The following GREB1L variants were observed in gnomAD, a reference collection of about 807,000 sequenced individuals.
GREB1L encodes GREB1-like protein.
A neutral mutation model predicts 200.8 loss-of-function variants in GREB1L; 17 were observed. The ratio of observed to expected loss-of-function variants is 0.08; its 90% CI spans 0.06 to 0.13. The LOEUF is 0.13. Ranked by LOEUF, GREB1L falls within the 10% of genes least tolerant of loss-of-function variation. GREB1L has a pLI of 1.00. For synonymous variants in GREB1L, 789 were observed against 893.0 expected (o/e 0.88, Z 2.08); for missense variants, 1,657 against 2,367.7 (o/e 0.70, Z 6.23).
intron 1 of GREB1L, among the ~76,000 whole-genome samples, chr18:21,303,908 A>G (rs564850749): frequency 6.6e-6 from 1 of 152,334 alleles, no homozygotes; most frequent in African/African-American, 2.4e-5. Context: ...AGGGTCAATC[A>G]GAAGCTGACA....
intron 10 of GREB1L, among the ~76,000 whole-genome samples, chr18:21,443,196 C>G (rs1417068827): frequency 6.6e-6 from 1 of 151,332 alleles, no homozygotes; most frequent in African/African-American, 2.4e-5. Context: ...AGCTGCACCC[C>G]ACCTGGCCAG....
intron 15 of GREB1L, among the ~76,000 whole-genome samples, chr18:21,465,948 A>G (rs1252697422): frequency 6.6e-6 from 1 of 152,116 alleles, no homozygotes; most frequent in African/African-American, 2.4e-5. Flanking sequence ...TGTGTTTATC[A>G]TTCCCTTGCT....
At position 21,437,798 on chromosome 18, in the gene GREB1L, T is replaced by G. The variant is rs1158844437; in HGVS notation, c.833-1723T>G. Among the ~76,000 whole-genome samples, 8 of 152,364 alleles carry G rather than the reference T, an allele frequency of 5.3e-5. No homozygotes were observed. The South Asian group carries it at 1.7e-3, about 32-fold the overall frequency. On this transcript the variant is annotated intron_variant, in intron 7 of 32. Transcript: ENST00000424526. ...AGCCACTAAATTCAGTATGTGCATC[T>G]TTTTTGAGTTCCAATTTGAACAAGC...
intron 32 of GREB1L, 22 bp downstream of exon 32, chr18:21,520,845 G>A: frequency 2.6e-6 from 4 of 1,513,328 alleles, no homozygotes; most frequent in Non-Finnish European, 3.6e-6. Context: ...TTAGTATCTT[G>A]CTTGTAATTG....
chr18:21,392,727 C>G (rs1370147293), intron 4 of GREB1L, among the ~76,000 whole-genome samples: 1 of 151,832 alleles, frequency 6.6e-6, no homozygotes, highest in African/African-American at 2.4e-5. Context: ...ATTTAATATG[C>G]CCCACCGCTT....
chr18:21,519,696 T>C (rs1200366827), intron 31 of GREB1L, among the ~76,000 whole-genome samples: 2 of 152,146 alleles, frequency 1.3e-5, no homozygotes, highest in African/African-American at 2.4e-5. Context: ...ACTATTGTTA[T>C]CTCTACAGAT....
At chr18:21,473,252 A>G in intron 16 of GREB1L, 41 bp downstream of exon 16, 4 of 1,374,824 alleles carry the variant, frequency 2.9e-6, no homozygotes, top group Non-Finnish European at 3.9e-6. Flanking sequence ...TCCCTTCTAC[A>G]GGAATAATTG....
At chr18:21,499,558 A>T (rs1426291420) in intron 21 of GREB1L, among the ~76,000 whole-genome samples, 171 bp from the exon 22 acceptor site, 1 of 152,222 alleles carries the variant, frequency 6.6e-6, no homozygotes, top group African/African-American at 2.4e-5. Context: ...AGCCAGGGCA[A>T]GGAAGCAACA....
chr18:21,312,762 G>A (rs1331151650), intron 1 of GREB1L, among the ~76,000 whole-genome samples: 4 of 151,972 alleles, frequency 2.6e-5, no homozygotes, highest in South Asian at 2.1e-4. Context: ...CCATGTTGGC[G>A]AGGATGGTCT....
At chr18:21,461,913 C>G (rs2035062620) in intron 15 of GREB1L, among the ~76,000 whole-genome samples, 1 of 152,108 alleles carries the variant, frequency 6.6e-6, no homozygotes. Flanking sequence ...CATTAAAGCC[C>G]ATGTTCCAGA....
rs559234950 is a variant in GREB1L at position 21,383,618 on chromosome 18, C to T, written c.100C>T (p.Arg34Trp). ...ASLRCSSVVP[R>W]PIFSQLYLDP... ...CCTCAGATGTAGTAGTGTGGTACCA[C>T]GGCCAATTTTTTCCCAGCTATACCT... Residue 34 changes from arginine (R) to tryptophan (W), a missense_variant, in exon 3 of 33, where the codon CGG becomes TGG. Physicochemically the swap from Arg to Trp is moderately radical, Grantham distance 101. Coordinates refer to ENST00000424526, the MANE Select transcript of GREB1L (RefSeq NM_001142966.3). 24 of 1,551,084 alleles carry T rather than the reference C, an allele frequency of 1.5e-5. No homozygotes were observed. The highest frequency in any genetic ancestry group is 5.5e-5 in the African/African-American group (4 of 73,078).
chr18:21,437,663 T>A (rs2033632364), intron 7 of GREB1L, among the ~76,000 whole-genome samples: 1 of 152,140 alleles, frequency 6.6e-6, no homozygotes, highest in South Asian at 2.1e-4. Context: ...ACCACAGGTA[T>A]ATAATCAGCA....
chr18:21,443,333 G>T (rs2034016668), intron 10 of GREB1L, among the ~76,000 whole-genome samples: 1 of 152,096 alleles, frequency 6.6e-6, no homozygotes, highest in African/African-American at 2.4e-5. Context: ...CTCCCATGTA[G>T]TTGCATGCCA....
intron 17 of GREB1L, among the ~76,000 whole-genome samples, chr18:21,484,220 G>C (rs2145797664): frequency 6.8e-6 from 1 of 148,046 alleles, no homozygotes; most frequent in South Asian, 2.1e-4. Context: ...CTGTCGCCCA[G>C]GCTGGAGTGC....
chr18:21,444,511 T>C (rs2034098047), intron 11 of GREB1L, 102 bp downstream of exon 11: 1 of 948,798 alleles, frequency 1.1e-6, no homozygotes, highest in Non-Finnish European at 1.6e-6. Context: ...TCTCTTATTT[T>C]CCCTCTTTCG....
intron 1 of GREB1L, among the ~76,000 whole-genome samples, chr18:21,261,696 A>C (rs1276160647): frequency 6.6e-6 from 1 of 152,094 alleles, no homozygotes; most frequent in African/African-American, 2.4e-5. Flanking sequence ...ACATTTCCAA[A>C]GTAATTATAA....
At chr18:21,273,524 C>T (rs2038112241) in intron 1 of GREB1L, among the ~76,000 whole-genome samples, 1 of 152,014 alleles carries the variant, frequency 6.6e-6, no homozygotes, top group Non-Finnish European at 1.5e-5. Flanking sequence ...CAGTGAGTTC[C>T]TACGCAAACA....
At chr18:21,348,183 G>A (rs751753817) in intron 1 of GREB1L, among the ~76,000 whole-genome samples, 7 of 151,820 alleles carry the variant, frequency 4.6e-5, no homozygotes, top group Non-Finnish European at 1.5e-5. Flanking sequence ...CTGACCTCGT[G>A]TTCCGCCCGC....
At chr18:21,470,403 C>T (rs1243801291) in intron 15 of GREB1L, among the ~76,000 whole-genome samples, 1 of 152,028 alleles carries the variant, frequency 6.6e-6, no homozygotes, top group African/African-American at 2.4e-5. Flanking sequence ...TCATTTTTAA[C>T]ATAATTAATA....
Sources: gnomAD v4.1 joint callset for allele counts (sites outside exome capture counted in the v4.1 genomes callset) on GRCh38, gnomAD v4.1.1 for gene constraint, MANE v1.5 for transcripts, NCBI Gene and HGNC (gene_info 2026-07-23, HGNC 2026-07-21) for gene names.